GRB10: variants seen among roughly 807,000 people sequenced by gnomAD.
GRB10 encodes growth factor receptor bound protein 10, also known as growth factor receptor-bound protein 10.
In GRB10, 20 loss-of-function variants were observed where a neutral mutation model predicts 80.9. The observed-to-expected ratio is 0.25, with a 90% CI of 0.17 to 0.36. The LOEUF is 0.36. Among genes scored for constraint, GRB10 ranks in the 10% least tolerant of loss-of-function variants. The pLI is 1.00. For missense variants in GRB10, 548 were observed against 747.7 expected (o/e 0.73, Z 3.12); for synonymous variants, 291 against 291.5 (o/e 1.00, Z 0.02).
At chr7:50,659,867 T>A (rs17546202) in intron 7 of GRB10, among the ~76,000 whole-genome samples, 1 of 152,164 alleles carries the variant, frequency 6.6e-6, no homozygotes, top group Non-Finnish European at 1.5e-5. Flanking sequence ...TCATAAGTAA[T>A]TGAATGACAA....
intron 2 of GRB10, among the ~76,000 whole-genome samples, chr7:50,777,873 C>A (rs1409323598): frequency 5.9e-5 from 9 of 152,098 alleles, no homozygotes; most frequent in Admixed American, 4.6e-4. Context: ...AATGAGAGCA[C>A]ATGGACACAG....
chr7:50,769,030 T>A (rs181627862), intron 2 of GRB10, among the ~76,000 whole-genome samples: 118 of 152,178 alleles, frequency 7.8e-4, no homozygotes, highest in Non-Finnish European at 8.8e-5. Flanking sequence ...TGCAGGCAAA[T>A]CATTCTGATG....
chr7:50,688,611 G>A lies in GRB10; in HGVS notation c.140-13953C>T, dbSNP rs185190275. On this transcript the variant is annotated intron_variant, in intron 5 of 18. Transcript: ENST00000401949. ...GCCCAGGTGATGTGTGTACAGGAAG[G>A]ATGTGAGAAGACGCCAAAGAGTAGA... Among the ~76,000 whole-genome samples the A allele has an allele frequency of 1.6e-3, 249 of 152,258 alleles. 2 individuals carry two copies. The Middle Eastern group carries it at 0.02, about 12-fold the overall frequency.
chr7:50,604,234 AG>A, intron 16 of GRB10, 76 bp downstream of exon 16: 1 of 1,366,246 alleles, frequency 7.3e-7, no homozygotes, highest in Non-Finnish European at 1.0e-6. Flanking sequence ...CAAATTCGTA[AG>A]GCTGAGGGGG....
At chr7:50,730,766 G>A (rs73349082) in intron 4 of GRB10, among the ~76,000 whole-genome samples, 1,678 of 152,254 alleles carry the variant, frequency 0.011, 32 homozygotes, top group African/African-American at 0.035. Context: ...GGTACCAGCA[G>A]GAAACTGGAA....
intron 4 of GRB10, among the ~76,000 whole-genome samples, chr7:50,728,200 C>A (rs1392738250): frequency 1.0e-5 from 1 of 96,640 alleles, no homozygotes; most frequent in African/African-American, 4.4e-5. Flanking sequence ...ATAAAATGTT[C>A]TTTAGCCAAA....
chr7:50,768,203 G>C (rs2076563803), intron 2 of GRB10, among the ~76,000 whole-genome samples: 1 of 152,162 alleles, frequency 6.6e-6, no homozygotes, highest in South Asian at 2.1e-4. Context: ...CAACGATAAA[G>C]GCAAACCCTG....
intron 4 of GRB10, among the ~76,000 whole-genome samples, chr7:50,714,337 C>A (rs1184520061): frequency 6.6e-6 from 1 of 152,142 alleles, no homozygotes; most frequent in South Asian, 2.1e-4. Flanking sequence ...AGTGACAATG[C>A]AAGTTATAGT....
chr7:50,652,212 A>T (rs914812471), intron 7 of GRB10, among the ~76,000 whole-genome samples: 3 of 152,242 alleles, frequency 2.0e-5, no homozygotes, highest in Non-Finnish European at 4.4e-5. Flanking sequence ...AAGTAAGTGG[A>T]ATACCATCTA....
intron 13 of GRB10, among the ~76,000 whole-genome samples, chr7:50,607,735 G>A (rs1423476053): frequency 1.3e-5 from 2 of 152,184 alleles, no homozygotes; most frequent in African/African-American, 4.8e-5. Context: ...GCCCTCCCTA[G>A]CTGAGGCTTG....
chr7:50,752,936 C>T (rs1399113054), intron 3 of GRB10, among the ~76,000 whole-genome samples: 2 of 152,236 alleles, frequency 1.3e-5, no homozygotes, highest in Admixed American at 6.5e-5. Flanking sequence ...TCAGAGGTCT[C>T]TTTGGGCCCA....
intron 7 of GRB10, among the ~76,000 whole-genome samples, chr7:50,665,428 T>A (rs935884812): frequency 2.6e-5 from 4 of 152,256 alleles, no homozygotes; most frequent in African/African-American, 9.6e-5. Context: ...ACACTATTTA[T>A]GAGCACCCAA....
chr7:50,723,338 C>T (rs2068057134), intron 4 of GRB10, among the ~76,000 whole-genome samples: 1 of 152,120 alleles, frequency 6.6e-6, no homozygotes, highest in Non-Finnish European at 1.5e-5. Context: ...TCCTTTAAGC[C>T]CCGGCTATGT....
chr7:50,769,114 G>A (rs1014019310), intron 2 of GRB10, among the ~76,000 whole-genome samples: 8 of 152,118 alleles, frequency 5.3e-5, no homozygotes, highest in African/African-American at 1.9e-4. Flanking sequence ...CCCATGATGA[G>A]GCTGTGTTCT....
chr7:50,750,607 C>G (rs2073963454), intron 3 of GRB10, among the ~76,000 whole-genome samples: 1 of 152,232 alleles, frequency 6.6e-6, no homozygotes, highest in Non-Finnish European at 1.5e-5. Context: ...CAATAACCAA[C>G]TGCAGACAGA....
chr7:50,729,002 G>A (rs938871506), intron 4 of GRB10, among the ~76,000 whole-genome samples: 1 of 152,254 alleles, frequency 6.6e-6, no homozygotes, highest in Middle Eastern at 3.4e-3. Context: ...AAAGCAGATT[G>A]CAGTTCGTCA....
At chr7:50,609,613 T>C (rs903118086) in intron 13 of GRB10, among the ~76,000 whole-genome samples, 25 of 152,262 alleles carry the variant, frequency 1.6e-4, no homozygotes, top group Non-Finnish European at 2.9e-5. Flanking sequence ...TGTCAGGTCA[T>C]GTAAAACCAA....
At chr7:50,784,162 G>A (rs552496433), upstream of GRB10, among the ~76,000 whole-genome samples, 12 of 152,184 alleles carry the variant, frequency 7.9e-5, no homozygotes, top group African/African-American at 1.9e-4. Flanking sequence ...CTCTAACTGC[G>A]CACCCCTCAG....
intron 3 of GRB10, among the ~76,000 whole-genome samples, chr7:50,745,808 A>G (rs1383178531): frequency 6.6e-6 from 1 of 152,226 alleles, no homozygotes; most frequent in Non-Finnish European, 1.5e-5. Flanking sequence ...CTTTTTACCT[A>G]AAGAAAACTT....
Sources: gnomAD v4.1 joint callset for allele counts (sites outside exome capture counted in the v4.1 genomes callset) on GRCh38, gnomAD v4.1.1 for gene constraint, MANE v1.5 for transcripts, NCBI Gene and HGNC (gene_info 2026-07-23, HGNC 2026-07-21) for gene names.